The following COP1 variants were observed in gnomAD, a reference collection of about 807,000 sequenced individuals.
The protein encoded by COP1 is E3 ubiquitin-protein ligase COP1.
COP1 carries 24 observed loss-of-function variants against 101.3 expected under a neutral mutation model. That is an observed-to-expected ratio of 0.24 (90% CI 0.17 to 0.33). The LOEUF (loss-of-function observed/expected upper bound fraction) is 0.33. COP1 is among the 10% of genes least tolerant of loss of function. COP1 has a pLI of 1.00. For synonymous variants in COP1, 347 were observed against 341.9 expected, an observed-to-expected ratio of 1.01 and a Z score of -0.17; for missense variants, 663 against 906.2, an observed-to-expected ratio of 0.73 and a Z score of 3.45.
intron 1 of COP1, among the ~76,000 whole-genome samples, chr1:176,197,203 C>G (rs542405471): frequency 6.6e-6 from 1 of 152,134 alleles, no homozygotes; most frequent in Non-Finnish European, 1.5e-5. Context: ...TATGACACAA[C>G]AACAAGTGGC....
intron 9 of COP1, among the ~76,000 whole-genome samples, chr1:176,088,520 A>T (rs1297310249): frequency 6.6e-6 from 1 of 152,118 alleles, no homozygotes; most frequent in East Asian, 1.9e-4. Context: ...GTCAAATCTC[A>T]CTCAAGCAAA....
intron 15 of COP1, among the ~76,000 whole-genome samples, chr1:175,995,281 C>T (rs2148810153): frequency 6.6e-6 from 1 of 152,268 alleles, no homozygotes; most frequent in Non-Finnish European, 1.5e-5. Flanking sequence ...TAAATGCTCA[C>T]AAGACAAAGC....
chr1:176,179,246 C>T (rs1021619098), intron 2 of COP1, among the ~76,000 whole-genome samples: 4 of 150,852 alleles, frequency 2.7e-5, no homozygotes, highest in East Asian at 2.0e-4. Context: ...GCCAAGATCA[C>T]GCCATTGCAC....
chr1:175,966,863 G>A (rs1216488807), intron 18 of COP1, among the ~76,000 whole-genome samples: 2 of 152,142 alleles, frequency 1.3e-5, no homozygotes, highest in East Asian at 3.9e-4. Flanking sequence ...GGTAAAGAGT[G>A]TTCCAAAGTC....
At chr1:176,071,706 C>G (rs987231505) in intron 11 of COP1, among the ~76,000 whole-genome samples, 1 of 152,190 alleles carries the variant, frequency 6.6e-6, no homozygotes, top group Non-Finnish European at 1.5e-5. Context: ...CTGCTGACTA[C>G]AAAGATCTTC....
At chr1:176,178,623 C>T (rs981325207) in intron 2 of COP1, among the ~76,000 whole-genome samples, 9 of 151,730 alleles carry the variant, frequency 5.9e-5, no homozygotes, top group African/African-American at 1.9e-4. Context: ...AGGCCAAGGC[C>T]GGCAGATCAC....
chr1:176,142,263 A>T (rs1222913258), intron 6 of COP1, among the ~76,000 whole-genome samples: 1 of 152,140 alleles, frequency 6.6e-6, no homozygotes, highest in Non-Finnish European at 1.5e-5. Context: ...TCAAAATGGA[A>T]TTCCGAAAAG....
intron 15 of COP1, among the ~76,000 whole-genome samples, chr1:176,007,476 T>TTAG: frequency 6.6e-6 from 1 of 151,406 alleles, no homozygotes; most frequent in East Asian, 1.9e-4. Flanking sequence ...TTTGTGGTTT[T>TTAG]ATCTACTTTT....
At chr1:176,075,030 TTATC>T in intron 11 of COP1, among the ~76,000 whole-genome samples, 1 of 152,188 alleles carries the variant, frequency 6.6e-6, no homozygotes, top group Non-Finnish European at 1.5e-5. Flanking sequence ...CTTTTATTTC[TTATC>T]TATAAGGGCC....
intron 11 of COP1, among the ~76,000 whole-genome samples, chr1:176,057,587 T>C (rs965394391): frequency 6.6e-6 from 1 of 152,192 alleles, no homozygotes; most frequent in Non-Finnish European, 1.5e-5. Flanking sequence ...TCCGCCAGCC[T>C]CGGCCTCCCG....
intron 11 of COP1, among the ~76,000 whole-genome samples, chr1:176,068,545 A>G (rs550461529): frequency 6.6e-5 from 10 of 152,240 alleles, no homozygotes; most frequent in Non-Finnish European, 1.3e-4. Flanking sequence ...TAAAACACAG[A>G]AAAATTTCAA....
intron 11 of COP1, among the ~76,000 whole-genome samples, chr1:176,049,712 T>C (rs1341771108): frequency 1.3e-5 from 2 of 152,104 alleles, no homozygotes; most frequent in Non-Finnish European, 2.9e-5. Context: ...ATGAACATAA[T>C]GAGATTCTAA....
chr1:176,137,979 T>G (rs1481204802), intron 6 of COP1, among the ~76,000 whole-genome samples: 1 of 152,106 alleles, frequency 6.6e-6, no homozygotes, highest in Non-Finnish European at 1.5e-5. Context: ...ATAGCAAGCA[T>G]TATGATGATG....
rs1650396011 is a variant in COP1, at chr1:175,954,735, C to T, written c.2134-7496G>A. ...ATGAAGACTAAGGAACATTTCCAAA[C>T]TCAGCTTGTAAATCAAACAAAACCA... On this transcript the variant is annotated intron_variant, in intron 18 of 19. Coordinates refer to ENST00000367669, the MANE Select transcript of COP1 (RefSeq NM_022457.7). Among the ~76,000 whole-genome samples the T allele has an allele frequency of 2.0e-5, 3 of 152,138 alleles. No homozygotes were observed. In the South Asian group the frequency reaches 6.2e-4, roughly 31 times the overall value.
At chr1:176,151,749 A>G (rs1440544060) in intron 5 of COP1, among the ~76,000 whole-genome samples, 5 of 152,204 alleles carry the variant, frequency 3.3e-5, no homozygotes, top group Non-Finnish European at 7.4e-5. Flanking sequence ...CTTCGGTTAT[A>G]TGGCAAGTTA....
At chr1:176,136,975 T>G (rs191899781) in intron 6 of COP1, among the ~76,000 whole-genome samples, 1 of 152,022 alleles carries the variant, frequency 6.6e-6, no homozygotes, top group African/African-American at 2.4e-5. Flanking sequence ...CTCCAACTTT[T>G]GAGCTCAAGC....
rs1195004838 is a variant in COP1 at position 176,027,566 on chromosome 1, T to G, written c.1729+6A>C. The G allele has an allele frequency of 6.4e-7, 1 of 1,558,780 alleles. No homozygotes were observed. The highest frequency in any genetic ancestry group is 1.8e-4 in the Middle Eastern group (1 of 5,472). On this transcript the variant is annotated splice_donor_region_variant and intron_variant, in intron 15 of 19. Coordinates refer to ENST00000367669, the MANE Select transcript of COP1 (RefSeq NM_022457.7). ...AAAGGAAGACAAATCTGCTTTCATT[T>G]CTTACCTGCACAGCCGAAAGCCAAA...
chr1:176,085,924 T>TC, intron 9 of COP1, 34 bp from the exon 10 acceptor site: 1 of 1,170,650 alleles, frequency 8.5e-7, no homozygotes, highest in Non-Finnish European at 1.3e-6. Flanking sequence ...AAACTTAGAA[T>TC]AAACAATACT....
At chr1:176,014,270 T>C (rs1322365801) in intron 15 of COP1, among the ~76,000 whole-genome samples, 1 of 152,164 alleles carries the variant, frequency 6.6e-6, no homozygotes, top group Non-Finnish European at 1.5e-5. Flanking sequence ...ACCCAACCAA[T>C]TCCTACACAA....
Sources: gnomAD v4.1 joint callset for allele counts (sites outside exome capture counted in the v4.1 genomes callset) on GRCh38, gnomAD v4.1.1 for gene constraint, MANE v1.5 for transcripts, NCBI Gene and HGNC (gene_info 2026-07-23, HGNC 2026-07-21) for gene names.